PACRG: variants seen among roughly 807,000 people sequenced by gnomAD.
PACRG encodes the protein parkin coregulated gene protein.
A neutral mutation model predicts 29.7 loss-of-function variants in PACRG; 29 were observed. The ratio of observed to expected loss-of-function variants is 0.98; its 90% CI spans 0.73 to 1.33. The LOEUF is 1.33. Ranked by LOEUF, PACRG falls within the 40% of genes most tolerant of loss-of-function variation. The probability of loss-of-function intolerance (pLI) is 0.00; values close to 1 mark genes in which losing one functional copy is unlikely to be tolerated. For missense variants in PACRG, 279 were observed against 316.2 expected (o/e 0.88, Z 0.89); for synonymous variants, 116 against 118.7 (o/e 0.98, Z 0.15).
At chr6:163,086,593 G>A (rs1813580607) in intron 3 of PACRG, among the ~76,000 whole-genome samples, 1 of 152,114 alleles carries the variant, frequency 6.6e-6, no homozygotes, top group Non-Finnish European at 1.5e-5. Context: ...AGGGGGCTCT[G>A]AAGTGTTTTC....
chr6:163,244,330 G>A (rs1184128708), intron 4 of PACRG, among the ~76,000 whole-genome samples: 1 of 152,062 alleles, frequency 6.6e-6, no homozygotes, highest in Non-Finnish European at 1.5e-5. Flanking sequence ...CTTCATCGAG[G>A]ATCTGTGCTT....
At chr6:163,210,389 A>T (rs1436121427) in intron 4 of PACRG, among the ~76,000 whole-genome samples, 1 of 152,236 alleles carries the variant, frequency 6.6e-6, no homozygotes, top group Non-Finnish European at 1.5e-5. Flanking sequence ...AGTGTTGAAC[A>T]TGAGGACAAA....
intron 4 of PACRG, among the ~76,000 whole-genome samples, chr6:163,300,450 G>A (rs1784946263): frequency 6.6e-6 from 1 of 152,196 alleles, no homozygotes; most frequent in African/African-American, 2.4e-5. Context: ...CCTCAGTAGA[G>A]AAGCGGAGGG....
In PACRG at chr6:163,063,030, G is replaced by C. The variant is rs533973598; in HGVS notation, c.463+709G>C. On this transcript the variant is annotated intron_variant, in intron 3 of 4. Coordinates refer to ENST00000366888, the MANE Select transcript of PACRG (RefSeq NM_001080379.2). ...CTGATGGGCATGCCTGGCATCCACT[G>C]GTACAGGCTCAGGAAGAGGATGGCC... Among the ~76,000 whole-genome samples the C allele has an allele frequency of 1.0e-3, 156 of 152,230 alleles. 1 individual carries two copies. The highest frequency in any genetic ancestry group is 3.8e-3 in the African/African-American group (156 of 41,526).
upstream of PACRG, chr6:162,727,841 G>T: frequency 1.5e-6 from 1 of 651,094 alleles, no homozygotes; most frequent in Non-Finnish European, 2.6e-6. Flanking sequence ...CCTGCTGGGA[G>T]TCGTAGTTCT....
chr6:162,772,310 G>C (rs1207163728), intron 1 of PACRG, among the ~76,000 whole-genome samples: 1 of 152,130 alleles, frequency 6.6e-6, no homozygotes, highest in Non-Finnish European at 1.5e-5. Flanking sequence ...ATGCGGTAAA[G>C]CTTCCAGGGG....
intron 4 of PACRG, among the ~76,000 whole-genome samples, chr6:163,248,811 G>A (rs1437908112): frequency 6.6e-6 from 1 of 152,000 alleles, no homozygotes; most frequent in Non-Finnish European, 1.5e-5. Context: ...TCAGGAGATC[G>A]GGACCATCCT....
At chr6:162,880,890 C>T (rs191415932) in intron 2 of PACRG, among the ~76,000 whole-genome samples, 3 of 152,314 alleles carry the variant, frequency 2.0e-5, no homozygotes, top group Non-Finnish European at 4.4e-5. Context: ...GCAAAGCATG[C>T]GCCAGGGGTG....
intron 4 of PACRG, among the ~76,000 whole-genome samples, chr6:163,131,392 A>T (rs1255498744): frequency 6.6e-6 from 1 of 152,082 alleles, no homozygotes; most frequent in East Asian, 1.9e-4. Flanking sequence ...AGACAGTCAC[A>T]CACAGGGAAG....
intron 2 of PACRG, among the ~76,000 whole-genome samples, chr6:162,988,494 C>G (rs1431740040): frequency 1.3e-5 from 2 of 152,158 alleles, no homozygotes; most frequent in South Asian, 2.1e-4. Context: ...GGTATGAAAA[C>G]AGCCACATAG....
intron 2 of PACRG, among the ~76,000 whole-genome samples, chr6:162,924,526 C>T (rs1797290626): frequency 6.6e-6 from 1 of 152,028 alleles, no homozygotes; most frequent in African/African-American, 2.4e-5. Flanking sequence ...GTGGATCTGA[C>T]ACATATAGCC....
chr6:163,046,162 G>A (rs1401570609), intron 2 of PACRG, among the ~76,000 whole-genome samples: 1 of 150,874 alleles, frequency 6.6e-6, no homozygotes, highest in East Asian at 2.1e-4. Flanking sequence ...ACTATGCTGT[G>A]CTCCCCTCTG....
At chr6:163,177,683 A>G (rs1779436926) in intron 4 of PACRG, among the ~76,000 whole-genome samples, 1 of 136,130 alleles carries the variant, frequency 7.3e-6, no homozygotes, top group Admixed American at 7.6e-5. Flanking sequence ...AGACTAAAAG[A>G]GTGTTAGCTA....
intron 2 of PACRG, among the ~76,000 whole-genome samples, chr6:162,882,888 AC>A (rs982494895): frequency 6.6e-6 from 1 of 152,160 alleles, no homozygotes; most frequent in Non-Finnish European, 1.5e-5. Flanking sequence ...ACCTTCAGAA[AC>A]CCTGACTAGA....
At chr6:163,033,731 A>G (rs1261959787) in intron 2 of PACRG, among the ~76,000 whole-genome samples, 1 of 152,220 alleles carries the variant, frequency 6.6e-6, no homozygotes, top group African/African-American at 2.4e-5. Context: ...CCAGGCCACC[A>G]TTGTGAAAAG....
chr6:163,281,280 C>T (rs1031644217), intron 4 of PACRG, among the ~76,000 whole-genome samples: 22 of 152,300 alleles, frequency 1.4e-4, no homozygotes, highest in African/African-American at 5.1e-4. Context: ...CTGGGAAAAA[C>T]ACCCTCAGGA....
At chr6:162,733,568 G>A (rs998505016) in intron 1 of PACRG, among the ~76,000 whole-genome samples, 2 of 151,992 alleles carry the variant, frequency 1.3e-5, no homozygotes, top group Admixed American at 6.6e-5. Context: ...CATGGCATTC[G>A]TCACCTCAAC....
At chr6:162,947,563 T>TATACTC (rs1455515403) in intron 2 of PACRG, among the ~76,000 whole-genome samples, 5 of 115,926 alleles carry the variant, frequency 4.3e-5, no homozygotes, top group African/African-American at 1.3e-4. Context: ...TATAATCATA[T>TATACTC]ATATATACTC....
chr6:162,783,319 T>G (rs553914503), intron 1 of PACRG, among the ~76,000 whole-genome samples: 40 of 152,116 alleles, frequency 2.6e-4, no homozygotes, highest in Non-Finnish European at 5.2e-4. Context: ...TAAAATACAT[T>G]CAAGTGTTAG....
Sources: allele counts gnomAD v4.1 joint callset (sites outside exome capture counted in the v4.1 genomes callset), GRCh38; gene constraint gnomAD v4.1.1; transcripts MANE v1.5; gene names NCBI Gene and HGNC (gene_info 2026-07-23, HGNC 2026-07-21).